OSBP2: variants seen among roughly 807,000 people sequenced by gnomAD.
OSBP2 encodes the protein oxysterol-binding protein 2.
A neutral mutation model predicts 96.0 loss-of-function variants in OSBP2; 66 were observed. That is an observed-to-expected ratio of 0.69 (90% CI 0.56 to 0.84). The LOEUF is 0.84. Ranked by LOEUF, OSBP2 falls within the 40% of genes least tolerant of loss-of-function variation. The pLI is 0.00. For synonymous variants in OSBP2, 525 were observed against 520.9 expected, an observed-to-expected ratio of 1.01 and a Z score of -0.11; for missense variants, 1,038 against 1,222.7, an observed-to-expected ratio of 0.85 and a Z score of 2.25.
At chr22:30,739,760 C>T (rs567670891) in intron 1 of OSBP2, among the ~76,000 whole-genome samples, 143 of 152,212 alleles carry the variant, frequency 9.4e-4, no homozygotes, top group Middle Eastern at 6.8e-3. Context: ...GTCTGCTGTG[C>T]GGGAGATGGG....
chr22:30,713,331 C>T (rs2089388991), intron 1 of OSBP2, among the ~76,000 whole-genome samples: 2 of 152,226 alleles, frequency 1.3e-5, no homozygotes, highest in South Asian at 4.1e-4. Flanking sequence ...TGCCCTCAGC[C>T]TCCCAAAGTG....
chr22:30,839,538 A>G (rs949866245), intron 2 of OSBP2, among the ~76,000 whole-genome samples: 8 of 151,398 alleles, frequency 5.3e-5, no homozygotes, highest in Non-Finnish European at 1.0e-4. Context: ...AATGATTGCC[A>G]TTCTAACTGG....
chr22:30,859,216 T>C (rs1165519433), intron 2 of OSBP2, among the ~76,000 whole-genome samples: 1 of 152,186 alleles, frequency 6.6e-6, no homozygotes, highest in Non-Finnish European at 1.5e-5. Flanking sequence ...GCCAGGAAAG[T>C]GTCATCCCAT....
At chr22:30,741,970 C>T (rs916221761) in intron 2 of OSBP2, among the ~76,000 whole-genome samples, 5 of 151,918 alleles carry the variant, frequency 3.3e-5, no homozygotes, top group African/African-American at 1.2e-4. Flanking sequence ...TAGGCGCACA[C>T]CACCATGCCC....
chr22:30,794,119 T>C (rs2145830506), intron 2 of OSBP2, among the ~76,000 whole-genome samples: 1 of 151,954 alleles, frequency 6.6e-6, no homozygotes, highest in East Asian at 1.9e-4. Context: ...CCAAGCACTT[T>C]GGGAGGCCAA....
At chr22:30,859,467 G>A (rs568444306) in intron 2 of OSBP2, among the ~76,000 whole-genome samples, 2 of 152,266 alleles carry the variant, frequency 1.3e-5, no homozygotes, top group Non-Finnish European at 2.9e-5. Context: ...GGGTGACCAG[G>A]TCTGCTGGTG....
At chr22:30,784,589 G>C (rs1047590507) in intron 2 of OSBP2, among the ~76,000 whole-genome samples, 9 of 151,912 alleles carry the variant, frequency 5.9e-5, no homozygotes, top group African/African-American at 1.7e-4. Context: ...TATCCTTCTG[G>C]AATTTGTTTT....
intron 2 of OSBP2, among the ~76,000 whole-genome samples, chr22:30,798,946 G>A (rs2090805604): frequency 6.6e-6 from 1 of 151,710 alleles, no homozygotes; most frequent in South Asian, 2.1e-4. Context: ...CCCAGGAGGC[G>A]GAGGTTTCAG....
intron 2 of OSBP2, among the ~76,000 whole-genome samples, chr22:30,803,937 G>A (rs1179475649): frequency 2.0e-5 from 3 of 152,122 alleles, no homozygotes; most frequent in East Asian, 3.9e-4. Context: ...TCAGGGTCAC[G>A]CTGGGCAACT....
At chr22:30,816,404 G>A (rs958895473) in intron 2 of OSBP2, among the ~76,000 whole-genome samples, 2 of 152,116 alleles carry the variant, frequency 1.3e-5, no homozygotes, top group Non-Finnish European at 2.9e-5. Context: ...AGGCCTCTTG[G>A]TTAATAACTG....
intron 2 of OSBP2, among the ~76,000 whole-genome samples, chr22:30,857,838 A>G (rs2039109480): frequency 6.6e-6 from 1 of 152,212 alleles, no homozygotes; most frequent in Non-Finnish European, 1.5e-5. Flanking sequence ...TTTAAGACAC[A>G]TGAATCTGCC....
chr22:30,893,364 CAACCCCCCAGCCT>C, intron 9 of OSBP2, 86 bp from the exon 10 acceptor site: 1 of 1,533,714 alleles, frequency 6.5e-7, no homozygotes, highest in Non-Finnish European at 9.0e-7. Flanking sequence ...CCTGCCTCTT[CAACCCCCCAGCCT>C]AGTTCTCAAG....
intron 1 of OSBP2, among the ~76,000 whole-genome samples, chr22:30,725,289 G>A (rs890280567): frequency 1.3e-4 from 20 of 151,806 alleles, no homozygotes; most frequent in African/African-American, 2.4e-5. Context: ...CAGATCTCTT[G>A]AGGCCAGGAG....
At chr22:30,809,489 A>G (rs2090977610) in intron 2 of OSBP2, among the ~76,000 whole-genome samples, 2 of 152,230 alleles carry the variant, frequency 1.3e-5, no homozygotes, top group African/African-American at 2.4e-5. Flanking sequence ...AGAGATGAGC[A>G]GAAGTCCACC....
intron 1 of OSBP2, among the ~76,000 whole-genome samples, chr22:30,715,444 A>G (rs999724180): frequency 6.7e-6 from 1 of 148,944 alleles, no homozygotes; most frequent in Non-Finnish European, 1.5e-5. Context: ...TGGCATGATC[A>G]TGGCTCACTG....
chr22:30,727,362 C>G (rs2089667910), intron 1 of OSBP2, among the ~76,000 whole-genome samples: 1 of 152,112 alleles, frequency 6.6e-6, no homozygotes, highest in Non-Finnish European at 1.5e-5. Context: ...CCAAGTACAC[C>G]AGCAGGTTTT....
intron 2 of OSBP2, among the ~76,000 whole-genome samples, chr22:30,864,250 C>A (rs2039283454): frequency 2.0e-5 from 3 of 152,068 alleles, no homozygotes; most frequent in Admixed American, 2.0e-4. Flanking sequence ...GGGATTACAT[C>A]ACATTCTTTT....
chr22:30,812,596 G>C (rs912884455), intron 2 of OSBP2, among the ~76,000 whole-genome samples: 1 of 152,216 alleles, frequency 6.6e-6, no homozygotes, highest in African/African-American at 2.4e-5. Context: ...CTCCCTCTAC[G>C]TGCATCTTTT....
At chr22:30,732,465 A>C (rs1363871573) in intron 1 of OSBP2, among the ~76,000 whole-genome samples, 1 of 151,998 alleles carries the variant, frequency 6.6e-6, no homozygotes, top group Non-Finnish European at 1.5e-5. Flanking sequence ...CTGGCAGTAG[A>C]GTCACTCCCC....
Sources: allele counts gnomAD v4.1 joint callset (sites outside exome capture counted in the v4.1 genomes callset), GRCh38; gene constraint gnomAD v4.1.1; transcripts MANE v1.5; gene names NCBI Gene and HGNC (gene_info 2026-07-23, HGNC 2026-07-21).